ZNF521: variants seen among roughly 807,000 people sequenced by gnomAD.
The protein encoded by ZNF521 is zinc finger protein 521, also known as LYST-interacting protein 3.
Under a neutral mutation model 105.5 loss-of-function variants are expected in ZNF521, and 14 were observed. That is an observed-to-expected ratio of 0.13 (90% CI 0.09 to 0.21). The LOEUF is 0.21. Among genes scored for constraint, ZNF521 ranks in the 10% least tolerant of loss-of-function variants. ZNF521 has a pLI of 1.00. For missense variants in ZNF521, 1,233 were observed against 1,629.7 expected (o/e 0.76, Z 4.19); for synonymous variants, 635 against 606.0 (o/e 1.05, Z -0.70).
chr18:25,255,800 G>T (rs1908442086), intron 3 of ZNF521, among the ~76,000 whole-genome samples: 1 of 151,770 alleles, frequency 6.6e-6, no homozygotes, highest in Admixed American at 6.6e-5. Flanking sequence ...ATACTCAAAA[G>T]AAATGAAAGC....
chr18:25,163,396 C>G (rs2035283181), intron 5 of ZNF521, among the ~76,000 whole-genome samples: 1 of 152,144 alleles, frequency 6.6e-6, no homozygotes, highest in South Asian at 2.1e-4. Flanking sequence ...GCTGGACACA[C>G]TAATTAGAAT....
intron 5 of ZNF521, among the ~76,000 whole-genome samples, chr18:25,186,753 A>G (rs1401672462): frequency 1.3e-5 from 2 of 152,182 alleles, no homozygotes; most frequent in Admixed American, 1.3e-4. Flanking sequence ...TAAAATATAA[A>G]GCCAATTAAT....
At chr18:25,343,005 C>G (rs9944940) in intron 2 of ZNF521, among the ~76,000 whole-genome samples, 1,595 of 152,244 alleles carry the variant, frequency 0.01, 33 homozygotes, top group African/African-American at 0.033. Flanking sequence ...TTTTTAGATT[C>G]CAGGTCACAG....
chr18:25,140,067 C>G (rs35098295), intron 5 of ZNF521, among the ~76,000 whole-genome samples: 24,562 of 152,074 alleles, frequency 0.16, 2,085 homozygotes, highest in Middle Eastern at 0.24. Context: ...TGCTTATAAG[C>G]CCCTAGTTTA....
At chr18:25,187,747 T>C (rs1199829153) in intron 5 of ZNF521, among the ~76,000 whole-genome samples, 1 of 152,172 alleles carries the variant, frequency 6.6e-6, no homozygotes, top group African/African-American at 2.4e-5. Context: ...CTGCATTTAA[T>C]TGACTGATAG....
intron 5 of ZNF521, among the ~76,000 whole-genome samples, chr18:25,140,141 C>A (rs1449328020): frequency 6.6e-6 from 1 of 152,178 alleles, no homozygotes; most frequent in Non-Finnish European, 1.5e-5. Flanking sequence ...ATCAACTCAT[C>A]ATTTACATGA....
At chr18:25,191,248 T>C (rs984305812) in intron 5 of ZNF521, among the ~76,000 whole-genome samples, 1 of 152,168 alleles carries the variant, frequency 6.6e-6, no homozygotes, top group South Asian at 2.1e-4. Context: ...CTTATGTAAA[T>C]GGCTTGTACC....
chr18:25,233,771 G>C (rs1328847448), intron 3 of ZNF521, among the ~76,000 whole-genome samples: 1 of 149,774 alleles, frequency 6.7e-6, no homozygotes, highest in Non-Finnish European at 1.5e-5. Context: ...ATAAGGAGTT[G>C]TTATCACATC....
chr18:25,256,640 A>T lies in ZNF521; in HGVS notation c.221-28943T>A, dbSNP rs892139402. Among the ~76,000 whole-genome samples, 4 of 152,158 alleles carry T rather than the reference A, an allele frequency of 2.6e-5. No individual in the cohort carries two copies. The East Asian group carries it at 5.8e-4, about 22-fold the overall frequency. ...GGCTTGAAAAGAGGCCCCCTACAGG[A>T]GCGAAGTGCGGGGAAGGGATCCCAG... On this transcript the variant is annotated intron_variant, in intron 3 of 7. Transcript: ENST00000361524.
chr18:25,085,511 G>T (rs977221434), intron 7 of ZNF521, among the ~76,000 whole-genome samples: 2 of 151,760 alleles, frequency 1.3e-5, no homozygotes, highest in East Asian at 3.9e-4. Context: ...GTATAGTGAA[G>T]AATTATCTAC....
intron 3 of ZNF521, among the ~76,000 whole-genome samples, chr18:25,289,627 C>T (rs1287561216): frequency 1.3e-5 from 2 of 152,276 alleles, no homozygotes; most frequent in East Asian, 1.9e-4. Context: ...TATGTGCTTC[C>T]TCCATCTTTC....
chr18:25,091,759 T>G (rs2033751708), intron 6 of ZNF521, among the ~76,000 whole-genome samples, 191 bp downstream of exon 6: 1 of 152,206 alleles, frequency 6.6e-6, no homozygotes, highest in African/African-American at 2.4e-5. Flanking sequence ...CAGTTAACCT[T>G]CCTGCTCATG....
intron 5 of ZNF521, among the ~76,000 whole-genome samples, chr18:25,156,387 T>C (rs2035145390): frequency 6.6e-6 from 1 of 152,206 alleles, no homozygotes; most frequent in South Asian, 2.1e-4. Context: ...GGGATTTCAC[T>C]GCATAAAAAC....
intron 5 of ZNF521, among the ~76,000 whole-genome samples, chr18:25,141,367 C>A (rs12458204): frequency 6.6e-6 from 1 of 152,100 alleles, no homozygotes; most frequent in Admixed American, 6.5e-5. Flanking sequence ...AATGCAATAC[C>A]TTTTAGTACC....
Position 25,139,967 on chromosome 18 carries a change from C to T in ZNF521, c.3659-47886G>A, listed in dbSNP as rs2144431612. 1.3e-5 allele frequency among the ~76,000 whole-genome samples: 2 copies of T among 152,306 alleles called. 1 individual carries two copies. Among genetic ancestry groups the T allele is most frequent in the South Asian group, 4.1e-4 (2 of 4,826 alleles). ...CGGAAACAAGCCACTGTCTATGAAGCAGGAAGCTGGCCCTCACCAGACACA... is the reference window on the plus strand; with the variant it reads ...CGGAAACAAGCCACTGTCTATGAAGTAGGAAGCTGGCCCTCACCAGACACA... On this transcript the variant is annotated intron_variant, in intron 5 of 7. Transcript: ENST00000361524.
chr18:25,334,765 C>T (rs565510489), intron 2 of ZNF521, among the ~76,000 whole-genome samples: 1 of 152,304 alleles, frequency 6.6e-6, no homozygotes, highest in African/African-American at 2.4e-5. Flanking sequence ...CCCCTAGAGA[C>T]TTTGCAAACG....
chr18:25,284,093 C>A (rs1429984389), intron 3 of ZNF521, among the ~76,000 whole-genome samples: 3 of 152,100 alleles, frequency 2.0e-5, no homozygotes, highest in Non-Finnish European at 4.4e-5. Flanking sequence ...AGCCTGAGCC[C>A]CCAGCTCCCT....
At chr18:25,167,890 G>C (rs570185045) in intron 5 of ZNF521, among the ~76,000 whole-genome samples, 1 of 152,244 alleles carries the variant, frequency 6.6e-6, no homozygotes, top group East Asian at 1.9e-4. Context: ...TGTACAGTTA[G>C]CATTCTGAAG....
chr18:25,135,372 TG>T (rs2034714949), intron 5 of ZNF521, among the ~76,000 whole-genome samples: 1 of 151,934 alleles, frequency 6.6e-6, no homozygotes, highest in Non-Finnish European at 1.5e-5. Context: ...CCAACCTGCT[TG>T]TTTTCCTTCT....
Sources: allele counts gnomAD v4.1 joint callset (sites outside exome capture counted in the v4.1 genomes callset), GRCh38; gene constraint gnomAD v4.1.1; transcripts MANE v1.5; gene names NCBI Gene and HGNC (gene_info 2026-07-23, HGNC 2026-07-21).